Variants in CDC14A observed in about 807,000 individuals in gnomAD.
CDC14A encodes dual specificity protein phosphatase CDC14A.
A neutral mutation model predicts 74.4 loss-of-function variants in CDC14A; 53 were observed. That is an observed-to-expected ratio of 0.71 (90% CI 0.57 to 0.89). CDC14A has a LOEUF of 0.89. Ranked by LOEUF, CDC14A falls within the 40% of genes least tolerant of loss-of-function variation. The pLI is 0.00. For synonymous variants in CDC14A, 247 were observed against 258.4 expected, an observed-to-expected ratio of 0.96 and a Z score of 0.43; for missense variants, 646 against 713.7, an observed-to-expected ratio of 0.91 and a Z score of 1.08.
intron 11 of CDC14A, among the ~76,000 whole-genome samples, chr1:100,489,507 T>C (rs958573894): frequency 2.6e-5 from 4 of 152,118 alleles, no homozygotes; most frequent in Admixed American, 1.3e-4. Flanking sequence ...CGATTGTGCA[T>C]AGAGAAAACA....
chr1:100,473,368 C>A (rs533192095), intron 10 of CDC14A, among the ~76,000 whole-genome samples: 1 of 151,766 alleles, frequency 6.6e-6, no homozygotes, highest in Admixed American at 6.6e-5. Context: ...TGTAGAAATA[C>A]AATTGATTTA....
intron 7 of CDC14A, among the ~76,000 whole-genome samples, chr1:100,446,735 T>C (rs1665581149): frequency 6.6e-6 from 1 of 152,226 alleles, no homozygotes; most frequent in South Asian, 2.1e-4. Context: ...TCTCGCTCTG[T>C]CACCCAGGCT....
At chr1:100,408,828 C>T (rs1660290448) in intron 4 of CDC14A, among the ~76,000 whole-genome samples, 1 of 152,154 alleles carries the variant, frequency 6.6e-6, no homozygotes, top group South Asian at 2.1e-4. Context: ...TCATCTGACA[C>T]ATTTATAATT....
chr1:100,425,873 A>G lies in CDC14A; in HGVS notation c.389+1572A>G, dbSNP rs1406530678. Among the ~76,000 whole-genome samples the G allele has an allele frequency of 5.3e-5, 8 of 152,174 alleles. No homozygotes were observed. In the South Asian group the frequency reaches 1.2e-3, roughly 24 times the overall value. On this transcript the variant is annotated intron_variant, in intron 5 of 15. Coordinates refer to ENST00000336454, the MANE Select transcript of CDC14A (RefSeq NM_003672.4). ...TTCTAAGCAAAGTGGTTAGGAGTAT[A>G]TACTTTGGAGGCAGAGAAACTTCAA...
chr1:100,463,317 C>A (rs7543681), intron 9 of CDC14A, among the ~76,000 whole-genome samples: 1 of 152,070 alleles, frequency 6.6e-6, no homozygotes, highest in Non-Finnish European at 1.5e-5. Context: ...GTTATCTGGA[C>A]CCCCATTCCA....
chr1:100,452,940 A>C (rs765842451), intron 7 of CDC14A, among the ~76,000 whole-genome samples: 16 of 152,204 alleles, frequency 1.1e-4, no homozygotes, highest in Admixed American at 3.3e-4. Context: ...ATTGATAAAC[A>C]TTGACATTTG....
chr1:100,451,903 C>T (rs1666183183), intron 7 of CDC14A, among the ~76,000 whole-genome samples: 7 of 152,166 alleles, frequency 4.6e-5, no homozygotes, highest in Admixed American at 4.6e-4. Context: ...TGCCTTTGGA[C>T]TCTGTAAAAG....
At chr1:100,446,037 G>A (rs1012936153) in intron 7 of CDC14A, among the ~76,000 whole-genome samples, 2 of 152,118 alleles carry the variant, frequency 1.3e-5, no homozygotes, top group Non-Finnish European at 2.9e-5. Flanking sequence ...CTTGCTGTTT[G>A]CCCTGTTCTA....
chr1:100,443,140 G>C, intron 7 of CDC14A, 144 bp downstream of exon 7: 1 of 591,154 alleles, frequency 1.7e-6, no homozygotes, highest in South Asian at 2.2e-5. Flanking sequence ...TGTCCTTTCA[G>C]CCTTGGTTAT....
intron 15 of CDC14A, among the ~76,000 whole-genome samples, chr1:100,502,490 T>C (rs756647820): frequency 6.6e-6 from 1 of 152,214 alleles, no homozygotes; most frequent in Admixed American, 6.5e-5. Flanking sequence ...GGCTCTACCA[T>C]CTAGGTTTGT....
chr1:100,355,854 G>A (rs1339571787), intron 2 of CDC14A, among the ~76,000 whole-genome samples: 1 of 152,212 alleles, frequency 6.6e-6, no homozygotes, highest in Non-Finnish European at 1.5e-5. Flanking sequence ...TTGAGGTATA[G>A]GAAAGATACC....
chr1:100,486,206 T>C (rs1392473775), intron 11 of CDC14A, among the ~76,000 whole-genome samples: 1 of 152,174 alleles, frequency 6.6e-6, no homozygotes, highest in Admixed American at 6.5e-5. Flanking sequence ...GAGAAACATA[T>C]TTACCTTGCA....
At chr1:100,442,312 T>C (rs1290471839) in intron 6 of CDC14A, among the ~76,000 whole-genome samples, 1 of 147,076 alleles carries the variant, frequency 6.8e-6, no homozygotes, top group Non-Finnish European at 1.5e-5. Flanking sequence ...ATGTATTGTA[T>C]ATATAAATAT....
intron 15 of CDC14A, among the ~76,000 whole-genome samples, chr1:100,512,723 T>G (rs998924770): frequency 9.9e-5 from 15 of 152,210 alleles, no homozygotes; most frequent in Admixed American, 6.5e-5. Context: ...AGCATTATAA[T>G]GAGCCCAAAT....
intron 9 of CDC14A, among the ~76,000 whole-genome samples, chr1:100,466,871 CAAAA>C (rs11382441): frequency 2.3e-5 from 2 of 87,320 alleles, no homozygotes; most frequent in Non-Finnish European, 2.2e-5. Context: ...ACTCGGTCTC[CAAAA>C]AAAAAAAAAA....
intron 2 of CDC14A, among the ~76,000 whole-genome samples, chr1:100,355,937 C>T (rs524219): frequency 3.3e-5 from 5 of 152,168 alleles, no homozygotes; most frequent in South Asian, 2.1e-4. Context: ...CTGGTGGAAG[C>T]GTTCAGCAAA....
Position 100,442,992 on chromosome 1 carries a change from A to G in CDC14A, c.515A>G (p.Tyr172Cys). Residue 172 changes from tyrosine to cysteine, a missense_variant, in exon 7 of 16, where the codon TAT (tyrosine) becomes TGT (cysteine). By Grantham distance (194) the Tyr-to-Cys change is radical. Transcript: ENST00000336454. ...ETFDVDEYEHYERVENGDFNW... is the reference protein window; with the variant it reads ...ETFDVDEYEHCERVENGDFNW... ...TTTGATGTGGATGAATATGAACATTATGAGGTTTGTACATTTAATTTTTTT... is the reference window on the plus strand; with the variant it reads ...TTTGATGTGGATGAATATGAACATTGTGAGGTTTGTACATTTAATTTTTTT... The G allele has an allele frequency of 6.3e-7, 1 of 1,584,720 alleles. No homozygotes were observed. The highest frequency in any genetic ancestry group is 1.1e-5 in the South Asian group (1 of 90,116).
chr1:100,425,095 G>A (rs2101082389), intron 5 of CDC14A, among the ~76,000 whole-genome samples: 1 of 152,256 alleles, frequency 6.6e-6, no homozygotes, highest in Middle Eastern at 3.4e-3. Flanking sequence ...TTGAGCCTGG[G>A]AGGTCAAGGC....
intron 2 of CDC14A, among the ~76,000 whole-genome samples, chr1:100,360,143 C>A (rs1261605814): frequency 7.0e-6 from 1 of 143,368 alleles, no homozygotes; most frequent in Non-Finnish European, 1.5e-5. Flanking sequence ...TTAGTAGAGA[C>A]GAGGTTTCAC....
Sources: gnomAD v4.1 joint callset for allele counts (sites outside exome capture counted in the v4.1 genomes callset) on GRCh38, gnomAD v4.1.1 for gene constraint, MANE v1.5 for transcripts, NCBI Gene and HGNC (gene_info 2026-07-23, HGNC 2026-07-21) for gene names.